Variants in REDIC1 observed in about 807,000 individuals in gnomAD.
REDIC1 encodes HEI10 Interacting Protein 1.
At chr12:39,688,250 G>T in the REDIC1 span, among the ~76,000 whole-genome samples, 2 of 152,244 alleles carry the variant, frequency 1.3e-5, no homozygotes, top group East Asian at 3.9e-4. Flanking sequence ...TAGATAAATT[G>T]CTTGAATTAA....
At chr12:39,900,245 G>A in the REDIC1 span, among the ~76,000 whole-genome samples, 1 of 152,028 alleles carries the variant, frequency 6.6e-6, no homozygotes. Context: ...TACTGAATGG[G>A]CAAAAACTGG....
At chr12:39,877,626 A>G in the REDIC1 span, among the ~76,000 whole-genome samples, 1 of 152,192 alleles carries the variant, frequency 6.6e-6, no homozygotes, top group Non-Finnish European at 1.5e-5. Context: ...CCACAAACCT[A>G]ATTTTTAAAA....
the REDIC1 span, among the ~76,000 whole-genome samples, chr12:39,687,838 A>ATTTTACAAC: frequency 6.6e-6 from 1 of 152,150 alleles, no homozygotes; most frequent in Non-Finnish European, 1.5e-5. Context: ...CAGTGCTAGG[A>ATTTTACAAC]AGTTTATGTA....
chr12:39,706,711 C>A, the REDIC1 span, among the ~76,000 whole-genome samples: 1 of 151,926 alleles, frequency 6.6e-6, no homozygotes, highest in Non-Finnish European at 1.5e-5. Context: ...CACACATTTC[C>A]AGTGAACTCA....
the REDIC1 span, among the ~76,000 whole-genome samples, chr12:39,661,443 A>T: frequency 6.6e-6 from 1 of 151,738 alleles, no homozygotes; most frequent in Non-Finnish European, 1.5e-5. Context: ...CCTTTTGGGC[A>T]TTTGTATGTC....
chr12:39,894,827 A>G, the REDIC1 span, among the ~76,000 whole-genome samples: 1 of 152,192 alleles, frequency 6.6e-6, no homozygotes, highest in Non-Finnish European at 1.5e-5. Flanking sequence ...AGATAAAGAG[A>G]GGGAAAGAAA....
chr12:39,680,523 C>T, the REDIC1 span, among the ~76,000 whole-genome samples: 1,243 of 152,206 alleles, frequency 8.2e-3, 16 homozygotes, highest in African/African-American at 0.028. Context: ...TTTTACACTG[C>T]TGGTGGGTAT....
At chr12:39,650,096 A>G in the REDIC1 span, 62 of 850,476 alleles carry the variant, frequency 7.3e-5, 1 homozygote, top group East Asian at 1.8e-3. The surrounding 1 kb of genome is among the most constrained non-coding windows in gnomAD (Gnocchi z 4.3). Flanking sequence ...TTCAATAAGT[A>G]GTAAAATTAC....
chr12:39,902,395 T>C, the REDIC1 span, among the ~76,000 whole-genome samples: 1 of 151,820 alleles, frequency 6.6e-6, no homozygotes, highest in Non-Finnish European at 1.5e-5. Flanking sequence ...TACATACACA[T>C]GAAGAGAACT....
At chr12:39,628,002 A>T in the REDIC1 span, among the ~76,000 whole-genome samples, 2 of 152,204 alleles carry the variant, frequency 1.3e-5, no homozygotes, top group Non-Finnish European at 2.9e-5. Context: ...AGGTCATTTT[A>T]GTAGTTATTT....
chr12:39,787,471 C>T, the REDIC1 span, among the ~76,000 whole-genome samples: 43 of 152,158 alleles, frequency 2.8e-4, 1 homozygote, highest in East Asian at 6.6e-3. Context: ...AATCCTTTAT[C>T]GGGATTTCTA....
the REDIC1 span, among the ~76,000 whole-genome samples, chr12:39,782,485 A>G: frequency 6.6e-6 from 1 of 152,150 alleles, no homozygotes; most frequent in African/African-American, 2.4e-5. Context: ...GCCTCTCACC[A>G]TGATTCTGAG....
the REDIC1 span, among the ~76,000 whole-genome samples, chr12:39,749,291 C>T: frequency 5.6e-4 from 85 of 152,268 alleles, no homozygotes; most frequent in African/African-American, 2.0e-3. Context: ...ACTATAAACA[C>T]CTCTACACAA....
chr12:39,856,611 C>T, the REDIC1 span, among the ~76,000 whole-genome samples: 3 of 152,156 alleles, frequency 2.0e-5, no homozygotes, highest in African/African-American at 7.2e-5. Flanking sequence ...TCGTGATTTG[C>T]CCACCTCGGC....
chr12:39,756,725 T>C, the REDIC1 span: 3 of 151,734 alleles, frequency 2.0e-5, no homozygotes, highest in African/African-American at 4.8e-5. Flanking sequence ...TTTTTCCTGA[T>C]CATTCTTCCC....
the REDIC1 span, among the ~76,000 whole-genome samples, chr12:39,856,526 G>A: frequency 6.6e-6 from 1 of 152,018 alleles, no homozygotes; most frequent in East Asian, 1.9e-4. Context: ...ATGCCACCAT[G>A]CCCAGCTAAT....
At chr12:39,764,880 G>A in the REDIC1 span, 4 of 1,604,420 alleles carry the variant, frequency 2.5e-6, no homozygotes, top group Non-Finnish European at 3.4e-6. Flanking sequence ...TGCAATATAA[G>A]TATTAACTTA....
chr12:39,711,486 T>C, the REDIC1 span, among the ~76,000 whole-genome samples: 1 of 144,454 alleles, frequency 6.9e-6, no homozygotes, highest in African/African-American at 2.5e-5. Flanking sequence ...TATGTGTATA[T>C]ATGTATATAA....
chr12:39,751,766 G>A, the REDIC1 span, among the ~76,000 whole-genome samples: 2 of 152,030 alleles, frequency 1.3e-5, no homozygotes, highest in African/African-American at 4.8e-5. Flanking sequence ...CATGGATGAA[G>A]CTGGAAACCA....
Sources: allele counts gnomAD v4.1 joint callset (sites outside exome capture counted in the v4.1 genomes callset), GRCh38; gene constraint gnomAD v4.1.1; non-coding constraint Gnocchi (gnomAD v3.1); transcripts MANE v1.5; gene names NCBI Gene and HGNC (gene_info 2026-07-23, HGNC 2026-07-21).